SLC14A2: variants seen among roughly 807,000 people sequenced by gnomAD.
The protein encoded by SLC14A2 is solute carrier family 14 member 2, also known as urea transporter 2.
A neutral mutation model predicts 104.6 loss-of-function variants in SLC14A2; 91 were observed. The observed-to-expected ratio is 0.87, with a 90% confidence interval of 0.73 to 1.04. The LOEUF is 1.04. Ranked by LOEUF, SLC14A2 falls within the 50% of genes least tolerant of loss-of-function variation. The pLI is 0.00. For missense variants in SLC14A2, 1,189 were observed against 1,156.0 expected (o/e 1.03, Z -0.41); for synonymous variants, 476 against 466.4 (o/e 1.02, Z -0.27).
At chr18:45,307,188 G>T (rs750487795) in intron 1 of SLC14A2, among the ~76,000 whole-genome samples, 1 of 151,888 alleles carries the variant, frequency 6.6e-6, no homozygotes, top group South Asian at 2.1e-4. Flanking sequence ...AGGCCAAGGC[G>T]GGCAGATCAC....
At chr18:45,437,279 C>A (rs900344931) in intron 1 of SLC14A2, among the ~76,000 whole-genome samples, 1 of 152,200 alleles carries the variant, frequency 6.6e-6, no homozygotes, top group Non-Finnish European at 1.5e-5. Flanking sequence ...TGTCTGTACA[C>A]CCAAGGGAGC....
At chr18:45,363,834 G>A (rs2085639475) in intron 1 of SLC14A2, among the ~76,000 whole-genome samples, 1 of 137,162 alleles carries the variant, frequency 7.3e-6, no homozygotes, top group Non-Finnish European at 1.6e-5. Flanking sequence ...CGCTGGGGAT[G>A]GGGGAAAGTC....
At chr18:45,609,243 C>A (rs1319654751) in intron 2 of SLC14A2, among the ~76,000 whole-genome samples, 2 of 152,110 alleles carry the variant, frequency 1.3e-5, no homozygotes, top group African/African-American at 4.8e-5. Context: ...TGCACTGTGG[C>A]TTCATTTTCT....
At chr18:45,293,481 A>T (rs987899219) in intron 1 of SLC14A2, among the ~76,000 whole-genome samples, 1 of 152,106 alleles carries the variant, frequency 6.6e-6, no homozygotes, top group Non-Finnish European at 1.5e-5. Context: ...CTAAAGGCAA[A>T]TGCCTATTTT....
chr18:45,232,874 T>A (rs1399456832), intron 1 of SLC14A2, among the ~76,000 whole-genome samples: 3 of 152,182 alleles, frequency 2.0e-5, no homozygotes, highest in Non-Finnish European at 4.4e-5. Flanking sequence ...AAACTTAGAA[T>A]CAAGTTCCAA....
At chr18:45,305,701 T>G (rs555758937) in intron 1 of SLC14A2, among the ~76,000 whole-genome samples, 14 of 151,596 alleles carry the variant, frequency 9.2e-5, no homozygotes, top group South Asian at 2.1e-4. Context: ...GCGAAGATGG[T>G]TTTTTTTTCC....
the SLC14A2 span, among the ~76,000 whole-genome samples, chr18:45,192,636 G>GTTTTTT: frequency 2.7e-5 from 3 of 112,752 alleles, no homozygotes; most frequent in Non-Finnish European, 3.9e-5. Context: ...GTGTGTGTGT[G>GTTTTTT]GTTTTTTTTT....
chr18:45,377,826 C>A (rs1453397936), intron 1 of SLC14A2, among the ~76,000 whole-genome samples: 2 of 152,130 alleles, frequency 1.3e-5, no homozygotes, highest in Non-Finnish European at 2.9e-5. Flanking sequence ...TTAAAATGAA[C>A]CCTTGGTCTG....
At chr18:45,635,544 G>A (rs2045405649) in intron 5 of SLC14A2, among the ~76,000 whole-genome samples, 3 of 152,198 alleles carry the variant, frequency 2.0e-5, no homozygotes, top group Non-Finnish European at 4.4e-5. Flanking sequence ...GATGCCATTG[G>A]TGAAATGGAC....
chr18:45,620,403 G>A (rs1226491331), intron 1 of SLC14A2, among the ~76,000 whole-genome samples: 1 of 152,194 alleles, frequency 6.6e-6, no homozygotes, highest in African/African-American at 2.4e-5. Flanking sequence ...ACATACACAT[G>A]AGAAACAATT....
the SLC14A2 span, among the ~76,000 whole-genome samples, chr18:45,184,875 T>A: frequency 6.6e-6 from 1 of 152,226 alleles, no homozygotes; most frequent in Non-Finnish European, 1.5e-5. Flanking sequence ...GCTTCACCTA[T>A]GCCTGTGGGT....
rs534880935 is a variant in SLC14A2 at position 45,605,531 on chromosome 18, C to T, written c.-34-19100C>T. On this transcript the variant is annotated intron_variant, in intron 2 of 20. Coordinates refer to the SLC14A2 transcript ENST00000586448. ...AATGATTAGATCATTATTCTGATTG[C>T]GGTAAGAAGAATGGACTGTGGAGGA... 7.9e-5 allele frequency among the ~76,000 whole-genome samples: 12 copies of T among 152,146 alleles called. No individual in the cohort carries two copies. The South Asian group carries it at 1.5e-3, about 18-fold the overall frequency.
At chr18:45,679,109 C>T (rs2046275146) in intron 19 of SLC14A2, 85 bp downstream of exon 19, 1 of 1,229,260 alleles carries the variant, frequency 8.1e-7, no homozygotes, top group South Asian at 1.3e-5. Context: ...AAACCTCTCT[C>T]CTCTAAGAAC....
At chr18:45,257,587 G>A (rs2084492633) in intron 1 of SLC14A2, among the ~76,000 whole-genome samples, 1 of 152,060 alleles carries the variant, frequency 6.6e-6, no homozygotes, top group African/African-American at 2.4e-5. Flanking sequence ...ATTACAATAT[G>A]GTTAATATTG....
chr18:45,590,021 G>A (rs1270537864), intron 2 of SLC14A2, among the ~76,000 whole-genome samples: 1 of 152,190 alleles, frequency 6.6e-6, no homozygotes, highest in African/African-American at 2.4e-5. Context: ...CCAAGTGGGT[G>A]AATATCTCAT....
At chr18:45,653,586 C>T (rs1327682489) in intron 10 of SLC14A2, among the ~76,000 whole-genome samples, 1 of 152,114 alleles carries the variant, frequency 6.6e-6, no homozygotes, top group Admixed American at 6.5e-5. Context: ...GGCCCCCAGA[C>T]CCTATGGCCT....
chr18:45,374,045 C>T (rs571163100), intron 1 of SLC14A2, among the ~76,000 whole-genome samples: 1 of 152,298 alleles, frequency 6.6e-6, no homozygotes, highest in South Asian at 2.1e-4. Context: ...TCATGACAAC[C>T]TCAAGACCTT....
At chr18:45,238,664 G>A (rs567408691) in intron 1 of SLC14A2, among the ~76,000 whole-genome samples, 6 of 152,260 alleles carry the variant, frequency 3.9e-5, no homozygotes, top group Admixed American at 6.5e-5. Context: ...ATAAATAGGT[G>A]GGCATAGATA....
At chr18:45,580,304 A>AG in intron 2 of SLC14A2, among the ~76,000 whole-genome samples, 1 of 152,374 alleles carries the variant, frequency 6.6e-6, no homozygotes, top group East Asian at 1.9e-4. Flanking sequence ...TTTGAAAAAA[A>AG]CAAATGTGGT....
Sources: gnomAD v4.1 joint callset for allele counts (sites outside exome capture counted in the v4.1 genomes callset) on GRCh38, gnomAD v4.1.1 for gene constraint, MANE v1.5 for transcripts, NCBI Gene and HGNC (gene_info 2026-07-23, HGNC 2026-07-21) for gene names.